SLC6A12: variants seen among roughly 807,000 people sequenced by gnomAD.
SLC6A12 encodes sodium- and chloride-dependent betaine transporter.
Under a neutral mutation model 73.3 loss-of-function variants are expected in SLC6A12, and 50 were observed. The observed-to-expected ratio is 0.68, with a 90% CI of 0.54 to 0.86. The LOEUF (loss-of-function observed/expected upper bound fraction) is 0.86, where lower values mean the gene tolerates loss of function less well. Among genes scored for constraint, SLC6A12 ranks in the 40% least tolerant of loss-of-function variants. SLC6A12 has a pLI of 0.00. For missense variants in SLC6A12, 648 were observed against 772.8 expected (o/e 0.84, Z 1.92); for synonymous variants, 304 against 309.2 (o/e 0.98, Z 0.18).
chr12:188,687 ACACACACAGGCGCGTGAACTCATGTG>A (rs1939490038), downstream of SLC6A12, among the ~76,000 whole-genome samples: 1 of 48,930 alleles, frequency 2.0e-5, no homozygotes, highest in Non-Finnish European at 4.0e-5. Flanking sequence ...GCACACCCAC[ACACACACAGGCGCGTGAACTCATGTG>A]CACACACAGG....
intron 3 of SLC6A12, among the ~76,000 whole-genome samples, chr12:205,332 G>C (rs756356277): frequency 1.3e-5 from 2 of 152,142 alleles, no homozygotes; most frequent in African/African-American, 2.4e-5. Flanking sequence ...CATAAAGCTC[G>C]AGTGAGAAGT....
At chr12:186,849 T>C (rs1030605592), downstream of SLC6A12, among the ~76,000 whole-genome samples, 1 of 152,100 alleles carries the variant, frequency 6.6e-6, no homozygotes, top group East Asian at 1.9e-4. Context: ...CATCATAGGG[T>C]GTGAGGTCCA....
intron 7 of SLC6A12, among the ~76,000 whole-genome samples, chr12:200,382 A>C (rs763805182): frequency 1.6e-4 from 24 of 152,178 alleles, no homozygotes; most frequent in Non-Finnish European, 2.2e-4. Context: ...TGCTGGGATT[A>C]CAGGCGTGAG....
chr12:191,321 C>T (rs1453452921), intron 15 of SLC6A12, 110 bp from the exon 16 acceptor site: 10 of 918,428 alleles, frequency 1.1e-5, no homozygotes, highest in East Asian at 6.6e-5. Context: ...TGGCCAGCAC[C>T]GCACAGTATG....
intron 10 of SLC6A12, among the ~76,000 whole-genome samples, chr12:197,101 CCA>C (rs1939913358): frequency 3.8e-5 from 2 of 52,830 alleles, no homozygotes; most frequent in African/African-American, 1.5e-4. Context: ...ATCCATCCAT[CCA>C]TCCATCCATC....
chr12:186,654 G>T (rs1939434957), downstream of SLC6A12, among the ~76,000 whole-genome samples: 2 of 152,232 alleles, frequency 1.3e-5, no homozygotes, highest in Non-Finnish European at 2.9e-5. Context: ...GATTCCACGT[G>T]GGCCTCTCTA....
At chr12:184,682 G>A in the SLC6A12 span, among the ~76,000 whole-genome samples, 44 of 152,154 alleles carry the variant, frequency 2.9e-4, no homozygotes, top group Admixed American at 1.6e-3. Flanking sequence ...CCCGGGAGGC[G>A]GAGCTTGCAA....
intron 1 of SLC6A12, among the ~76,000 whole-genome samples, chr12:212,747 T>G (rs1309142133): frequency 2.6e-5 from 4 of 152,084 alleles, no homozygotes; most frequent in African/African-American, 9.7e-5. Flanking sequence ...CTGTACTGAG[T>G]TCTCCTTTCT....
At position 196,855 on chromosome 12, in the gene SLC6A12, G is replaced by C; in HGVS notation, c.1103C>G (p.Pro368Arg). 6.2e-7 allele frequency: 1 copy of C among 1,613,870 alleles called. No individual in the cohort carries two copies. The highest frequency in any genetic ancestry group is 1.3e-5 in the African/African-American group (1 of 75,030). ...TAAGGGCATCATAGTCACAGCCTTG[G>C]GGAAGGCGATGAAGGCCAGCCCAGG... The part of the protein sequence containing the change: ...SGPGLAFIAF[P>R]KAVTMMPLSQ... The change falls in exon 11 of 16, where the codon CCC (proline) becomes CGC (arginine). Residue 368 changes from proline to arginine, a missense_variant. Coordinates refer to ENST00000684302, the MANE Select transcript of SLC6A12 (RefSeq NM_001122848.3).
chr12:212,836 C>T (rs1940959244), intron 1 of SLC6A12, among the ~76,000 whole-genome samples: 1 of 152,190 alleles, frequency 6.6e-6, no homozygotes, highest in South Asian at 2.1e-4. Flanking sequence ...CTGGCCGCCT[C>T]TCCAGCCCCT....
At chr12:209,470 G>A (rs1042551918) in intron 3 of SLC6A12, among the ~76,000 whole-genome samples, 8 of 152,234 alleles carry the variant, frequency 5.3e-5, no homozygotes, top group African/African-American at 2.4e-5. Flanking sequence ...CTGAATGAAT[G>A]ACTGAATTCT....
chr12:203,000 G>A, intron 4 of SLC6A12, 120 bp from the exon 5 acceptor site: 1 of 702,528 alleles, frequency 1.4e-6, no homozygotes, highest in Non-Finnish European at 2.3e-6. Flanking sequence ...AGCACCATTG[G>A]GGTTTATCCA....
intron 9 of SLC6A12, 128 bp from the exon 10 acceptor site, chr12:197,629 G>A (rs1167682063): frequency 3.1e-6 from 3 of 977,530 alleles, no homozygotes; most frequent in East Asian, 2.6e-5. Flanking sequence ...GGAGGCAAGG[G>A]AGGCACAGAG....
downstream of SLC6A12, among the ~76,000 whole-genome samples, chr12:188,412 G>T (rs1317489643): frequency 6.6e-6 from 1 of 152,084 alleles, no homozygotes; most frequent in Non-Finnish European, 1.5e-5. Context: ...ACTCGCGCTG[G>T]CCCGCAAGCG....
chr12:189,607 C>G (rs1939509674), downstream of SLC6A12, among the ~76,000 whole-genome samples: 1 of 152,180 alleles, frequency 6.6e-6, no homozygotes. Flanking sequence ...TCCTGGCTGG[C>G]TTCCCTTGAC....
downstream of SLC6A12, among the ~76,000 whole-genome samples, chr12:189,428 A>G (rs139414551): frequency 4.6e-3 from 705 of 152,308 alleles, 5 homozygotes; most frequent in African/African-American, 0.016. Flanking sequence ...GCGAGGGCAC[A>G]GGTGCACAGA....
chr12:197,376 C>T lies in SLC6A12; in HGVS notation c.1075+1G>A. On this transcript the variant is annotated splice_donor_variant, in intron 10 of 15. Transcript: ENST00000684302. LOFTEE classifies it high-confidence loss of function. ...GCCCCAGACAGCAAAGTGGCACCTA[C>T]CTGACTCGGCCACTTCAGAAATGGG... is the stretch of plus-strand genomic sequence containing the variant. 1 of 1,612,436 alleles carries T rather than the reference C, an allele frequency of 6.2e-7. No homozygotes were observed. Among genetic ancestry groups the T allele is most frequent in the Non-Finnish European group, 8.5e-7 (1 of 1,179,158 alleles).
chr12:193,890 T>C (rs902240083), intron 13 of SLC6A12: 1 of 152,370 alleles, frequency 6.6e-6, no homozygotes, highest in Non-Finnish European at 1.5e-5. Flanking sequence ...CAAAAAAGCA[T>C]GGTAAGAAGG....
chr12:210,831 C>T (rs1040239439), intron 2 of SLC6A12, among the ~76,000 whole-genome samples: 1 of 152,146 alleles, frequency 6.6e-6, no homozygotes, highest in South Asian at 2.1e-4. Context: ...CAGTGGCTGC[C>T]CCTCTCAGCA....
Sources: gnomAD v4.1 joint callset for allele counts (sites outside exome capture counted in the v4.1 genomes callset) on GRCh38, gnomAD v4.1.1 for gene constraint, MANE v1.5 for transcripts, NCBI Gene and HGNC (gene_info 2026-07-23, HGNC 2026-07-21) for gene names.